The following CLASP2 variants were observed in gnomAD, a reference collection of about 807,000 sequenced individuals.
CLASP2 encodes cytoplasmic linker associated protein 2.
CLASP2 carries 47 observed loss-of-function variants against 194.4 expected under a neutral mutation model. That is an observed-to-expected ratio of 0.24 (90% CI 0.19 to 0.31). The LOEUF (loss-of-function observed/expected upper bound fraction) is 0.31. CLASP2 is among the 10% of genes least tolerant of loss of function. CLASP2 has a pLI of 1.00. For missense variants in CLASP2, 1,445 were observed against 1,823.6 expected (o/e 0.79, Z 3.78); for synonymous variants, 619 against 633.5 (o/e 0.98, Z 0.34).
chr3:33,656,617 G>A (rs754639827), intron 7 of CLASP2, among the ~76,000 whole-genome samples: 7 of 152,118 alleles, frequency 4.6e-5, no homozygotes, highest in African/African-American at 7.2e-5. Context: ...GAAATTCCAC[G>A]TCCAGACTAT....
chr3:33,585,027 T>A, intron 21 of CLASP2, 107 bp from the exon 22 acceptor site: 1 of 920,404 alleles, frequency 1.1e-6, no homozygotes, highest in Non-Finnish European at 1.6e-6. Context: ...ACTGTGACAG[T>A]ATGGCAGGTT....
chr3:33,656,269 T>C (rs943975333), intron 7 of CLASP2, among the ~76,000 whole-genome samples: 7 of 152,122 alleles, frequency 4.6e-5, no homozygotes, highest in Non-Finnish European at 2.9e-5. Context: ...CAATAGATAA[T>C]AGATTAATAA....
At chr3:33,696,467 CT>C (rs527665599) in intron 2 of CLASP2, among the ~76,000 whole-genome samples, 169 of 117,968 alleles carry the variant, frequency 1.4e-3, no homozygotes, top group African/African-American at 2.5e-3. Flanking sequence ...CATAACATTA[CT>C]TTTTTTTTTT....
In CLASP2 at chr3:33,600,804, G is replaced by A. The variant is rs560974967; in HGVS notation, c.1924+2148C>T. Among the ~76,000 whole-genome samples, 3 of 152,208 alleles carry A rather than the reference G, an allele frequency of 2.0e-5. No homozygotes were observed. The South Asian group carries it at 6.2e-4, about 32-fold the overall frequency. On this transcript the variant is annotated intron_variant, in intron 18 of 38. Coordinates refer to ENST00000682230, the MANE Select transcript of CLASP2 (RefSeq NM_001365631.1). ...ATCCCCTCTGTTACACATTAAGGTT[G>A]ATGCTAATAACGTTATTAAAAACAT... is the stretch of plus-strand genomic sequence containing the variant.
intron 1 of CLASP2, among the ~76,000 whole-genome samples, chr3:33,702,439 C>T (rs1293068915): frequency 6.6e-6 from 1 of 152,098 alleles, no homozygotes; most frequent in Admixed American, 6.6e-5. Flanking sequence ...CACTACCTCA[C>T]ACCATACATA....
At position 33,517,083 on chromosome 3, in the gene CLASP2, G is replaced by A. The variant is rs2051535882; in HGVS notation, c.3879C>T (p.Leu1293=). 6.2e-7 allele frequency: 1 copy of A among 1,613,676 alleles called. No homozygotes were observed. The highest frequency in any genetic ancestry group is 2.2e-5 in the East Asian group (1 of 44,806). ...CCTGTGTCAGTTTCATAAGTTCATA[G>A]AGGGCAATTTTTCTTTCTTCTACAC... ...NERVEERKIA[L]YELMKLTQEE... Residue 1293 remains leucine, a synonymous_variant, in exon 35 of 39, where the codon CTC becomes CTT. Transcript: ENST00000682230.
chr3:33,574,614 C>T lies in CLASP2; in HGVS notation c.2455-1260G>A, dbSNP rs112370683. On this transcript the variant is annotated intron_variant, in intron 24 of 38. Transcript: ENST00000682230. ...GATCAGAAACATTACGTTTTTTTCACACATAGGTACAAAGAACTGCTTATT... is the reference window on the plus strand; with the variant it reads ...GATCAGAAACATTACGTTTTTTTCATACATAGGTACAAAGAACTGCTTATT... 5.3e-5 allele frequency: 30 copies of T among 567,932 alleles called. 1 individual carries two copies. Among genetic ancestry groups the T allele is most frequent in the African/African-American group, 3.1e-4 (16 of 51,790 alleles). The allele number at this position is 567,932 out of a possible 1,614,324, so 35.2% of individuals were successfully genotyped here. A position where few individuals can be genotyped will look rare whatever the true frequency, so the allele number is the denominator to read the frequency against.
chr3:33,682,990 C>T (rs546050179), intron 6 of CLASP2: 1 of 152,254 alleles, frequency 6.6e-6, no homozygotes, highest in East Asian at 1.9e-4. Flanking sequence ...ATTGTAAGAA[C>T]CCTACAATTG....
chr3:33,638,775 T>G (rs1415992749), intron 8 of CLASP2, among the ~76,000 whole-genome samples: 1 of 152,232 alleles, frequency 6.6e-6, no homozygotes, highest in Non-Finnish European at 1.5e-5. Flanking sequence ...ATGCAGTTAT[T>G]GTAACTTCTA....
At chr3:33,603,707 C>T (rs1228089445) in intron 17 of CLASP2, among the ~76,000 whole-genome samples, 5 of 152,250 alleles carry the variant, frequency 3.3e-5, no homozygotes, top group South Asian at 4.2e-4. Flanking sequence ...ACTGCAACCT[C>T]CACTTTCTGG....
intron 21 of CLASP2, among the ~76,000 whole-genome samples, chr3:33,585,954 C>T (rs535089520): frequency 2.0e-5 from 3 of 152,226 alleles, no homozygotes; most frequent in African/African-American, 7.2e-5. Flanking sequence ...TATTTTTAAA[C>T]TTAACAAAAT....
chr3:33,574,363 A>C, intron 24 of CLASP2: 1 of 660,566 alleles, frequency 1.5e-6, no homozygotes, highest in Admixed American at 3.2e-5. Context: ...TGTATGTCTA[A>C]GGATTTTACT....
At chr3:33,516,244 G>A (rs2051277093) in intron 35 of CLASP2, 93 bp from the exon 36 acceptor site, 2 of 1,213,580 alleles carry the variant, frequency 1.6e-6, no homozygotes, top group African/African-American at 1.5e-5. Context: ...TTAATATTGG[G>A]GGAGGAGTTG....
rs995902742 is a variant in CLASP2 at position 33,606,828 on chromosome 3, G to A, written c.1527-70C>T. On this transcript the variant is annotated intron_variant, in intron 15 of 38. Coordinates refer to ENST00000682230, the MANE Select transcript of CLASP2 (RefSeq NM_001365631.1). ...ATTAGACATTAACAGTAACGTGTACGTTCAAGAAGGATGAAGATAAGCCCA... is the reference window on the plus strand; with the variant it reads ...ATTAGACATTAACAGTAACGTGTACATTCAAGAAGGATGAAGATAAGCCCA... The A allele has an allele frequency of 9.8e-6, 11 of 1,121,578 alleles. No homozygotes were observed. The African/African-American group carries it at 1.1e-4, about 11-fold the overall frequency. 69.5% of individuals were successfully genotyped at this position (1,121,578 alleles called of 1,614,324 possible). A position where few individuals can be genotyped will look rare whatever the true frequency, so the allele number is the denominator to read the frequency against.
intron 21 of CLASP2, among the ~76,000 whole-genome samples, chr3:33,587,714 T>C (rs2067723987): frequency 6.6e-6 from 1 of 152,236 alleles, no homozygotes. Context: ...CTTTCAGTTA[T>C]AACCTTAAGG....
intron 31 of CLASP2, 42 bp downstream of exon 31, chr3:33,544,656 C>T (rs1331488565): frequency 3.2e-6 from 5 of 1,550,778 alleles, no homozygotes; most frequent in Non-Finnish European, 4.4e-6. Context: ...ATTAAATCAA[C>T]CATCACATTA....
Position 33,498,431 on chromosome 3 carries a change from T to G in CLASP2, c.*200A>C, listed in dbSNP as rs187282824. ...TGTTAATACTGCTTCTTCTTGAATT[T>G]GGAATAACTATCATAAAAGTTACAT... On this transcript the variant is annotated 3_prime_UTR_variant, in exon 39 of 39. Transcript: ENST00000682230. 3 of 441,152 alleles carry G rather than the reference T, an allele frequency of 6.8e-6. No homozygotes were observed. The highest frequency in any genetic ancestry group is 7.7e-5 in the Admixed American group (2 of 25,850). 27.3% of individuals were successfully genotyped at this position (441,152 alleles called of 1,614,324 possible).
intron 34 of CLASP2, among the ~76,000 whole-genome samples, chr3:33,533,746 A>T (rs1002071682): frequency 2.0e-5 from 3 of 151,936 alleles, no homozygotes; most frequent in Non-Finnish European, 4.4e-5. Context: ...ACAGGGTCTC[A>T]CTCTGTTGCC....
intron 26 of CLASP2, among the ~76,000 whole-genome samples, chr3:33,567,677 A>G (rs544842968): frequency 8.5e-5 from 13 of 152,330 alleles, no homozygotes; most frequent in Non-Finnish European, 1.5e-5. Context: ...TGAGGTGGAT[A>G]TTACTATTAA....
Sources: gnomAD v4.1 joint callset for allele counts (sites outside exome capture counted in the v4.1 genomes callset) on GRCh38, gnomAD v4.1.1 for gene constraint, MANE v1.5 for transcripts, NCBI Gene and HGNC (gene_info 2026-07-23, HGNC 2026-07-21) for gene names.